MED27: variants seen among roughly 807,000 people sequenced by gnomAD.
The protein encoded by MED27 is mediator complex subunit 27.
Under a neutral mutation model 38.2 loss-of-function variants are expected in MED27, and 30 were observed. The ratio of observed to expected loss-of-function variants is 0.79; its 90% CI spans 0.59 to 1.07. The LOEUF is 1.07. Among genes scored for constraint, MED27 ranks in the 50% least tolerant of loss-of-function variants. The pLI, the probability that MED27 is intolerant of heterozygous loss-of-function variation, is 0.00. For synonymous variants in MED27, 122 were observed against 153.5 expected (o/e 0.79, Z 1.52); for missense variants, 289 against 397.5 (o/e 0.73, Z 2.32).
intron 6 of MED27, chr9:131,869,020 A>C (rs1838782836): frequency 2.0e-6 from 2 of 985,434 alleles, no homozygotes. Context: ...AATCTGGCCA[A>C]ACTCAGCCTC....
At position 131,861,042 on chromosome 9, in the gene MED27, G is replaced by A. The variant is rs1214203260; in HGVS notation, c.802-370C>T. Among the ~76,000 whole-genome samples the A allele has an allele frequency of 1.1e-4, 16 of 151,964 alleles. No homozygotes were observed. Among genetic ancestry groups the A allele is most frequent in the Admixed American group, 1.0e-3 (16 of 15,264 alleles). On this transcript the variant is annotated intron_variant, in intron 7 of 7. Transcript: ENST00000292035. The surrounding 1 kb of genome is among the most constrained non-coding windows in gnomAD (Gnocchi z 4.4). ...TGTCAGTATCCATCCTCTTCTCCTT[G>A]CCCACTACTAAGAGGTGGCTGTGCA...
intron 2 of MED27, among the ~76,000 whole-genome samples, chr9:132,052,546 G>A (rs1444224633): frequency 1.3e-5 from 2 of 148,516 alleles, no homozygotes; most frequent in Non-Finnish European, 3.0e-5. Context: ...CAAGTCAGCT[G>A]AAATTACCTG....
chr9:132,056,606 C>A (rs1265158089), intron 2 of MED27, among the ~76,000 whole-genome samples: 1 of 152,136 alleles, frequency 6.6e-6, no homozygotes, highest in South Asian at 2.1e-4. Context: ...ATCTGAAAAA[C>A]CTCTGGTCCC....
chr9:131,938,720 T>TTG (rs1456842473), intron 4 of MED27, among the ~76,000 whole-genome samples: 29 of 150,194 alleles, frequency 1.9e-4, no homozygotes, highest in Non-Finnish European at 3.9e-4. Flanking sequence ...TTTTTTTTCT[T>TTG]TTTTTTTTTG....
intron 3 of MED27, among the ~76,000 whole-genome samples, chr9:132,013,971 C>T (rs924197096): frequency 4.0e-5 from 6 of 151,890 alleles, no homozygotes; most frequent in African/African-American, 7.3e-5. Flanking sequence ...TTTGGGAGGC[C>T]GAGGCAGGTG....
At chr9:131,908,530 T>A (rs1462690475) in intron 4 of MED27, among the ~76,000 whole-genome samples, 1 of 152,222 alleles carries the variant, frequency 6.6e-6, no homozygotes, top group Non-Finnish European at 1.5e-5. Flanking sequence ...TGTTCTGTAC[T>A]AAGAAAAATT....
At chr9:131,973,155 CTTTT>C (rs1831518790) in intron 3 of MED27, among the ~76,000 whole-genome samples, 1 of 152,074 alleles carries the variant, frequency 6.6e-6, no homozygotes, top group Admixed American at 6.5e-5. Context: ...TTTTCTTTTT[CTTTT>C]TAACTTTCTA....
intron 4 of MED27, among the ~76,000 whole-genome samples, chr9:131,896,734 T>C (rs1336733866): frequency 6.6e-6 from 1 of 152,136 alleles, no homozygotes; most frequent in Non-Finnish European, 1.5e-5. Flanking sequence ...ATATTTTCTT[T>C]CTTTTTTCTT....
chr9:132,040,187 T>A (rs979258016), intron 2 of MED27, among the ~76,000 whole-genome samples: 1 of 152,220 alleles, frequency 6.6e-6, no homozygotes, highest in Non-Finnish European at 1.5e-5. Context: ...TCCCCGCATA[T>A]GGGCTGCCCA....
intron 2 of MED27, among the ~76,000 whole-genome samples, chr9:132,060,942 C>A (rs1217892898): frequency 6.6e-6 from 1 of 152,148 alleles, no homozygotes; most frequent in African/African-American, 2.4e-5. Flanking sequence ...GAGCAAGACT[C>A]CATCTCAAAC....
intron 3 of MED27, among the ~76,000 whole-genome samples, chr9:131,966,528 A>G (rs545683083): frequency 6.6e-6 from 1 of 152,250 alleles, no homozygotes; most frequent in East Asian, 1.9e-4. Flanking sequence ...TATGGCTAAA[A>G]ACCCAATGTT....
At chr9:131,920,873 C>A (rs1413211404) in intron 4 of MED27, among the ~76,000 whole-genome samples, 1 of 152,042 alleles carries the variant, frequency 6.6e-6, no homozygotes, top group African/African-American at 2.4e-5. Flanking sequence ...ATTGGAGGTT[C>A]TGAAGAGAGA....
intron 2 of MED27, among the ~76,000 whole-genome samples, chr9:132,047,211 T>C (rs905994304): frequency 6.6e-6 from 1 of 151,864 alleles, no homozygotes; most frequent in African/African-American, 2.4e-5. Flanking sequence ...AATAACCACG[T>C]GGAATGTGAA....
chr9:131,881,663 G>C (rs1254872315), intron 6 of MED27, among the ~76,000 whole-genome samples: 1 of 151,882 alleles, frequency 6.6e-6, no homozygotes, highest in African/African-American at 2.4e-5. Context: ...CATTACTACG[G>C]TACATTTGTC....
chr9:131,917,512 C>T lies in MED27; in HGVS notation c.573+21869G>A, dbSNP rs111749016. Among the ~76,000 whole-genome samples, 4,972 of 151,780 alleles carry T rather than the reference C, an allele frequency of 0.033. 286 individuals carry two copies. Among genetic ancestry groups the T allele is most frequent in the African/African-American group, 0.11 (4,650 of 41,306 alleles). ...GTAGACCAGGAGACCAATGAGACGGCTGGAGCAAGGGTTCAGACGACAGGA... is the reference window on the plus strand; with the variant it reads ...GTAGACCAGGAGACCAATGAGACGGTTGGAGCAAGGGTTCAGACGACAGGA... On this transcript the variant is annotated intron_variant, in intron 4 of 7. Transcript: ENST00000292035. The surrounding 1 kb of genome is among the most constrained non-coding windows in gnomAD (Gnocchi z 4.6).
chr9:131,991,127 T>C, intron 3 of MED27, among the ~76,000 whole-genome samples: 1 of 152,180 alleles, frequency 6.6e-6, no homozygotes, highest in East Asian at 1.9e-4. Flanking sequence ...CTGCTACTTG[T>C]ACCCAAATAT....
At chr9:131,928,116 G>A (rs971677732) in intron 4 of MED27, among the ~76,000 whole-genome samples, 15 of 152,308 alleles carry the variant, frequency 9.8e-5, no homozygotes, top group Non-Finnish European at 1.5e-4. Flanking sequence ...GTAGAACCAA[G>A]GCTGTTTAAC....
At chr9:131,930,402 GT>G (rs1476600922) in intron 4 of MED27, among the ~76,000 whole-genome samples, 13 of 152,164 alleles carry the variant, frequency 8.5e-5, no homozygotes, top group African/African-American at 2.9e-4. Flanking sequence ...TGGAGCTCCA[GT>G]CCATCTGGCA....
At chr9:131,907,755 TC>T (rs1419258094) in intron 4 of MED27, among the ~76,000 whole-genome samples, 1 of 129,074 alleles carries the variant, frequency 7.7e-6, no homozygotes, top group Non-Finnish European at 1.6e-5. Flanking sequence ...CCGGCCGCCA[TC>T]CCATCTAGGA....
Sources: allele counts gnomAD v4.1 joint callset (sites outside exome capture counted in the v4.1 genomes callset), GRCh38; gene constraint gnomAD v4.1.1; non-coding constraint Gnocchi (gnomAD v3.1); transcripts MANE v1.5; gene names NCBI Gene and HGNC (gene_info 2026-07-23, HGNC 2026-07-21).